Variants in MIPOL1 observed in about 807,000 individuals in gnomAD.
MIPOL1 encodes mirror-image polydactyly gene 1 protein.
Under a neutral mutation model 60.9 loss-of-function variants are expected in MIPOL1, and 57 were observed. The observed-to-expected ratio is 0.94, with a 90% CI of 0.76 to 1.17. The LOEUF (loss-of-function observed/expected upper bound fraction) is 1.17, where lower values mean the gene tolerates loss of function less well. Ranked by LOEUF, MIPOL1 falls within the 50% of genes most tolerant of loss-of-function variation. MIPOL1 has a pLI of 0.00. For missense variants in MIPOL1, 551 were observed against 511.6 expected (o/e 1.08, Z -0.74); for synonymous variants, 179 against 168.8 (o/e 1.06, Z -0.47).
intron 3 of MIPOL1, among the ~76,000 whole-genome samples, chr14:37,265,962 A>G (rs1490355346): frequency 6.6e-6 from 1 of 152,158 alleles, no homozygotes; most frequent in Non-Finnish European, 1.5e-5. Context: ...GTCACACAGT[A>G]TGGGTTCTTT....
intron 10 of MIPOL1, among the ~76,000 whole-genome samples, chr14:37,399,350 A>G (rs917017212): frequency 6.6e-6 from 1 of 152,144 alleles, no homozygotes; most frequent in Non-Finnish European, 1.5e-5. Context: ...ATGCTTTCAC[A>G]TCTCCTTCTC....
At chr14:37,483,374 C>A (rs2094902883) in intron 11 of MIPOL1, among the ~76,000 whole-genome samples, 1 of 152,174 alleles carries the variant, frequency 6.6e-6, no homozygotes, top group East Asian at 1.9e-4. Flanking sequence ...CCTGGCCTCC[C>A]AAAGTGCTGG....
At chr14:37,545,546 G>A in intron 12 of MIPOL1, 1 of 491,526 alleles carries the variant, frequency 2.0e-6, no homozygotes, top group Non-Finnish European at 3.6e-6. Flanking sequence ...AGAAAAGTTT[G>A]TAGTAATAAA....
At position 37,504,805 on chromosome 14, in the gene MIPOL1, A is replaced by G. The variant is rs996996741; in HGVS notation, c.1262+4667A>G. ...ACGCAAAAAACCCTTCAAAAAATCA[A>G]TGAATCCAGGAGCTGGTTTTTTGAA... On this transcript the variant is annotated intron_variant, in intron 12 of 12. Transcript: ENST00000684589. The G allele has an allele frequency of 2.0e-5, 3 of 152,212 alleles. No individual in the cohort carries two copies. In the East Asian group the frequency reaches 5.8e-4, roughly 29 times the overall value. The allele number at this position is 152,212 out of a possible 1,614,324, so 9.4% of individuals were successfully genotyped here.
At chr14:37,347,581 A>C (rs188902708) in intron 9 of MIPOL1, among the ~76,000 whole-genome samples, 2 of 152,220 alleles carry the variant, frequency 1.3e-5, no homozygotes, top group East Asian at 3.9e-4. Context: ...CATCTTTAAC[A>C]AGCACAAAGA....
At chr14:37,230,018 TTAA>T (rs1970367132) in intron 1 of MIPOL1, among the ~76,000 whole-genome samples, 5 of 152,146 alleles carry the variant, frequency 3.3e-5, no homozygotes, top group Non-Finnish European at 7.4e-5. Context: ...GTGACTACAG[TTAA>T]TAACAATGTA....
chr14:37,539,234 C>A (rs1283099834), intron 12 of MIPOL1, among the ~76,000 whole-genome samples: 1 of 152,090 alleles, frequency 6.6e-6, no homozygotes, highest in African/African-American at 2.4e-5. Flanking sequence ...AACTGCCCAG[C>A]TGAGCCAAGC....
At chr14:37,533,927 A>G (rs1438480048) in intron 12 of MIPOL1, among the ~76,000 whole-genome samples, 1 of 152,044 alleles carries the variant, frequency 6.6e-6, no homozygotes, top group African/African-American at 2.4e-5. Context: ...CATCTCTACT[A>G]AAGTACAAAA....
rs762259873 is a variant in MIPOL1 at position 37,499,909 on chromosome 14, T to G, written c.1033T>G (p.Leu345Val). The G allele has an allele frequency of 3.9e-6, 6 of 1,527,942 alleles. No individual in the cohort carries two copies. In the Admixed American group the frequency reaches 9.1e-5, roughly 23 times the overall value. 94.6% of individuals were successfully genotyped at this position (1,527,942 alleles called of 1,614,324 possible). ...AAATTTTTTTTAATATTTTCTCAGT[T>G]TACACAAATCTTTATCTCAAGAAGA... Reference protein sequence around the residue: ...EIQTLRVYYSLHKSLSQEENL... With the variant: ...EIQTLRVYYSVHKSLSQEENL... The change falls in exon 12 of 13, where the codon TTA becomes GTA. Residue 345 changes from leucine (L) to valine (V), a missense_variant and splice_region_variant. Leu to Val is a conservative substitution (Grantham distance 32). Transcript: ENST00000684589.
intron 3 of MIPOL1, among the ~76,000 whole-genome samples, chr14:37,253,918 C>G (rs1326991540): frequency 2.6e-5 from 4 of 151,578 alleles, no homozygotes; most frequent in African/African-American, 9.7e-5. Flanking sequence ...TTCCTTTTGG[C>G]AAGTATGGAT....
rs138070704 is a variant in MIPOL1, at chr14:37,525,811, G to T, written c.1263-21094G>T. 3.9e-4 allele frequency among the ~76,000 whole-genome samples: 59 copies of T among 152,272 alleles called. No homozygotes were observed. The East Asian group carries it at 0.011, about 28-fold the overall frequency. ...TTGAAATTGTACATTAAAGGATTAT[G>T]CATATAGCCTACTTGTCCGTAAGAA... is the stretch of plus-strand genomic sequence containing the variant. On this transcript the variant is annotated intron_variant, in intron 12 of 12. Transcript: ENST00000684589.
At chr14:37,403,706 T>C (rs1288145110) in intron 10 of MIPOL1, among the ~76,000 whole-genome samples, 1 of 152,186 alleles carries the variant, frequency 6.6e-6, no homozygotes. Context: ...TTTATTTACA[T>C]GTTATTTACA....
At chr14:37,299,611 T>A (rs1383954595) in intron 7 of MIPOL1, among the ~76,000 whole-genome samples, 6 of 152,212 alleles carry the variant, frequency 3.9e-5, no homozygotes, top group African/African-American at 1.4e-4. Context: ...AGATATTTTT[T>A]AAAAAGTGTA....
At chr14:37,236,591 C>T (rs1020022676) in intron 1 of MIPOL1, among the ~76,000 whole-genome samples, 1 of 152,002 alleles carries the variant, frequency 6.6e-6, no homozygotes, top group Non-Finnish European at 1.5e-5. Context: ...CATGCCCCAC[C>T]ATGCTTGGCT....
intron 11 of MIPOL1, among the ~76,000 whole-genome samples, chr14:37,467,423 A>G (rs1275619348): frequency 1.3e-5 from 2 of 152,246 alleles, no homozygotes; most frequent in Admixed American, 6.5e-5. Flanking sequence ...CAACAAAATT[A>G]TGATAAATAT....
In MIPOL1 at chr14:37,432,436, G is replaced by A. The variant is rs549028882; in HGVS notation, c.1031+9487G>A. Reference sequence around the variant, plus strand: ...AGATGTACAGTGTCTCCTGCACAATGTTTTTTTGTGTGCATTGCATATAAT... The same window carrying A: ...AGATGTACAGTGTCTCCTGCACAATATTTTTTTGTGTGCATTGCATATAAT... On this transcript the variant is annotated intron_variant, in intron 11 of 12. Transcript: ENST00000684589. 5.3e-5 allele frequency among the ~76,000 whole-genome samples: 8 copies of A among 152,282 alleles called. No homozygotes were observed. In the East Asian group the frequency reaches 1.4e-3, roughly 26 times the overall value.
rs144779992 is a variant in MIPOL1, at chr14:37,331,026, A to G, written c.828+22507A>G. ...GTGTGGATTTATTTCTGGGTTTTCA[A>G]TTTTGTTCCATTGGTCTATGTGTTT... On this transcript the variant is annotated intron_variant, in intron 9 of 12. Transcript: ENST00000684589. Among the ~76,000 whole-genome samples the G allele has an allele frequency of 3.1e-3, 469 of 151,994 alleles. 3 individuals carry two copies. Among genetic ancestry groups the G allele is most frequent in the African/African-American group, 9.6e-3 (396 of 41,462 alleles).
intron 1 of MIPOL1, among the ~76,000 whole-genome samples, chr14:37,241,922 AT>A (rs1335417509): frequency 6.6e-6 from 1 of 152,106 alleles, no homozygotes; most frequent in Non-Finnish European, 1.5e-5. Flanking sequence ...GTATTAGTTT[AT>A]TTTGAACTTT....
intron 9 of MIPOL1, among the ~76,000 whole-genome samples, chr14:37,333,907 A>G (rs999599186): frequency 1.3e-5 from 2 of 152,114 alleles, no homozygotes; most frequent in African/African-American, 2.4e-5. Flanking sequence ...TCAAGTTCAC[A>G]TGGAACAATA....
Sources: gnomAD v4.1 joint callset for allele counts (sites outside exome capture counted in the v4.1 genomes callset) on GRCh38, gnomAD v4.1.1 for gene constraint, MANE v1.5 for transcripts, NCBI Gene and HGNC (gene_info 2026-07-23, HGNC 2026-07-21) for gene names.